The following BICC1 variants were observed in gnomAD, a reference collection of about 807,000 sequenced individuals.
BICC1 encodes the protein protein bicaudal C homolog 1.
BICC1 carries 43 observed loss-of-function variants against 111.0 expected under a neutral mutation model. That is an observed-to-expected ratio of 0.39 (90% CI 0.30 to 0.50). The LOEUF is 0.50. Ranked by LOEUF, BICC1 falls within the 20% of genes least tolerant of loss-of-function variation. The probability of loss-of-function intolerance (pLI) is 0.88; values close to 1 mark genes in which losing one functional copy is unlikely to be tolerated. For missense variants in BICC1, 1,091 were observed against 1,203.2 expected, an observed-to-expected ratio of 0.91 and a Z score of 1.38; for synonymous variants, 467 against 434.4, an observed-to-expected ratio of 1.07 and a Z score of -0.93.
intron 3 of BICC1, among the ~76,000 whole-genome samples, chr10:58,736,267 G>A (rs1434282796): frequency 6.6e-6 from 1 of 152,128 alleles, no homozygotes; most frequent in Admixed American, 6.6e-5. Flanking sequence ...GAGATGCAGT[G>A]GGATATACCA....
chr10:58,634,601 TA>T (rs1837899601), intron 2 of BICC1, among the ~76,000 whole-genome samples: 1 of 152,184 alleles, frequency 6.6e-6, no homozygotes, highest in Non-Finnish European at 1.5e-5. Flanking sequence ...AGAAAAGTTG[TA>T]AATTCTTGTT....
intron 3 of BICC1, among the ~76,000 whole-genome samples, chr10:58,714,463 C>T (rs1840673600): frequency 6.6e-6 from 1 of 152,294 alleles, no homozygotes. Flanking sequence ...GCAATTTAAA[C>T]TGTTTGTTTA....
intron 3 of BICC1, among the ~76,000 whole-genome samples, chr10:58,726,230 G>A (rs549153079): frequency 5.9e-4 from 90 of 152,166 alleles, no homozygotes; most frequent in Admixed American, 4.3e-3. Flanking sequence ...ACCCACAATG[G>A]ATTTAATCAT....
intron 3 of BICC1, among the ~76,000 whole-genome samples, chr10:58,769,938 C>T (rs1012440884): frequency 1.3e-5 from 2 of 151,948 alleles, no homozygotes; most frequent in African/African-American, 2.4e-5. Flanking sequence ...ATTTGAAAAG[C>T]GTAAAAGTAG....
chr10:58,607,768 A>T (rs1845277561), intron 1 of BICC1, among the ~76,000 whole-genome samples: 1 of 151,150 alleles, frequency 6.6e-6, no homozygotes, highest in South Asian at 2.1e-4. Flanking sequence ...CAAGGGAATG[A>T]CCTCGTATGC....
At chr10:58,669,779 A>G (rs1839125659) in intron 2 of BICC1, among the ~76,000 whole-genome samples, 1 of 152,124 alleles carries the variant, frequency 6.6e-6, no homozygotes, top group Non-Finnish European at 1.5e-5. Context: ...AACTTTACCC[A>G]TATATTTTTT....
rs540010691 is a variant in BICC1 at position 58,577,669 on chromosome 10, C to T, written c.191-43186C>T. Among the ~76,000 whole-genome samples, 3 of 152,274 alleles carry T rather than the reference C, an allele frequency of 2.0e-5. No individual in the cohort carries two copies. The South Asian group carries it at 6.2e-4, about 32-fold the overall frequency. On this transcript the variant is annotated intron_variant, in intron 1 of 20. Transcript: ENST00000373886. Reference sequence around the variant, plus strand: ...GGCTATATTGCAATACTTTCTGGATCTCTGCTAGTTCTCTGCAATCTTTCT... The same window carrying T: ...GGCTATATTGCAATACTTTCTGGATTTCTGCTAGTTCTCTGCAATCTTTCT...
At chr10:58,690,592 C>T (rs1838355494) in intron 2 of BICC1, among the ~76,000 whole-genome samples, 1 of 152,170 alleles carries the variant, frequency 6.6e-6, no homozygotes. Flanking sequence ...TCAATATTTA[C>T]TCTTTGTCTG....
intron 3 of BICC1, among the ~76,000 whole-genome samples, chr10:58,764,920 A>G (rs536227222): frequency 1.4e-4 from 22 of 152,266 alleles, no homozygotes; most frequent in African/African-American, 5.3e-4. Context: ...ATAACTGTAA[A>G]TTAGGAGAAA....
chr10:58,600,143 T>C (rs549292654), intron 1 of BICC1, among the ~76,000 whole-genome samples: 1 of 152,208 alleles, frequency 6.6e-6, no homozygotes. Flanking sequence ...TGTTGGGGGC[T>C]CCTCACAGTT....
At chr10:58,592,372 T>A (rs536022668) in intron 1 of BICC1, among the ~76,000 whole-genome samples, 11 of 152,272 alleles carry the variant, frequency 7.2e-5, no homozygotes, top group African/African-American at 2.4e-4. Context: ...TAGTCTGCTA[T>A]GACATTGTTT....
chr10:58,718,772 G>GTGCGCGCATGCGCACGCC (rs1554824855), intron 3 of BICC1, among the ~76,000 whole-genome samples: 3 of 82,782 alleles, frequency 3.6e-5, no homozygotes, highest in Admixed American at 1.3e-4. Context: ...GTGTGCGCGC[G>GTGCGCGCATGCGCACGCC]CGCGTGCGCG....
chr10:58,736,422 G>T (rs1246489234), intron 3 of BICC1, among the ~76,000 whole-genome samples: 1 of 152,132 alleles, frequency 6.6e-6, no homozygotes, highest in African/African-American at 2.4e-5. Flanking sequence ...TTTGATGCTT[G>T]TTTTAATTAC....
At chr10:58,556,174 A>ATGTGAAAC (rs1393187563) in intron 1 of BICC1, among the ~76,000 whole-genome samples, 1 of 152,088 alleles carries the variant, frequency 6.6e-6, no homozygotes, top group African/African-American at 2.4e-5. Flanking sequence ...TTACTGTTGA[A>ATGTGAAAC]TGTGAAACCT....
intron 2 of BICC1, among the ~76,000 whole-genome samples, chr10:58,631,396 T>C (rs912142330): frequency 5.9e-5 from 9 of 151,414 alleles, no homozygotes; most frequent in African/African-American, 2.2e-4. Context: ...TTTTTCTTTC[T>C]TTTTTTTTAA....
rs2132903291 is a variant in BICC1, at chr10:58,806,984, GTTTTA to G, written c.2222-15_2222-11del. ...AATGCATTAAACATACCAAGCATTG[GTTTTA>G]TTTTGTTTCCAAAGCTATGTTAAAG... On this transcript the variant is annotated splice_polypyrimidine_tract_variant and intron_variant, in intron 16 of 20. Coordinates refer to ENST00000373886, the MANE Select transcript of BICC1 (RefSeq NM_001080512.3). 2 of 1,603,762 alleles carry G rather than the reference GTTTTA, an allele frequency of 1.2e-6. No individual in the cohort carries two copies. The highest frequency in any genetic ancestry group is 8.5e-7 in the Non-Finnish European group (1 of 1,175,176).
intron 3 of BICC1, among the ~76,000 whole-genome samples, chr10:58,763,096 A>G (rs1842363574): frequency 6.6e-6 from 1 of 152,196 alleles, no homozygotes; most frequent in Non-Finnish European, 1.5e-5. Context: ...ACATACTATG[A>G]TTTGCTTCAT....
chr10:58,748,490 T>C (rs1461306934), intron 3 of BICC1, among the ~76,000 whole-genome samples: 1 of 152,082 alleles, frequency 6.6e-6, no homozygotes, highest in African/African-American at 2.4e-5. Context: ...TGAAAATACC[T>C]CAAACCAGTC....
chr10:58,700,026 G>A (rs1490210241), intron 2 of BICC1, among the ~76,000 whole-genome samples: 1 of 152,172 alleles, frequency 6.6e-6, no homozygotes, highest in Non-Finnish European at 1.5e-5. Context: ...AGAGTCTTAA[G>A]TAACTTAGGG....
Sources: gnomAD v4.1 joint callset for allele counts (sites outside exome capture counted in the v4.1 genomes callset) on GRCh38, gnomAD v4.1.1 for gene constraint, MANE v1.5 for transcripts, NCBI Gene and HGNC (gene_info 2026-07-23, HGNC 2026-07-21) for gene names.